The following DNAH6 variants were observed in gnomAD, a reference collection of about 807,000 sequenced individuals.
DNAH6 encodes the protein dynein axonemal heavy chain 6.
DNAH6 carries 340 observed loss-of-function variants against 491.4 expected under a neutral mutation model. That is an observed-to-expected ratio of 0.69 (90% CI 0.63 to 0.76). The LOEUF is 0.76. DNAH6 is among the 30% of genes least tolerant of loss of function. DNAH6 has a pLI of 0.00. For synonymous variants in DNAH6, 1,603 were observed against 1,686.1 expected (o/e 0.95, Z 1.21); for missense variants, 4,443 against 4,972.2 (o/e 0.89, Z 3.20).
rs148167077 is a variant in DNAH6, at chr2:84,739,592, G to T, written c.10343-5488G>T. 9.9e-3 allele frequency among the ~76,000 whole-genome samples: 1,503 copies of T among 152,122 alleles called. 24 individuals are homozygous for T. Among genetic ancestry groups the T allele is most frequent in the African/African-American group, 0.034 (1,408 of 41,510 alleles). ...TCTGACTGGGTCATTTTGACAGATT[G>T]GTCTTCAAGTTCTGAAAGTCTTTCT... On this transcript the variant is annotated intron_variant, in intron 62 of 76. Coordinates refer to ENST00000389394, the MANE Select transcript of DNAH6 (RefSeq NM_001370.2).
the DNAH6 span, among the ~76,000 whole-genome samples, chr2:84,504,094 T>A: frequency 3.3e-5 from 5 of 152,202 alleles, no homozygotes; most frequent in Non-Finnish European, 5.9e-5. Context: ...TTTTTTGTTA[T>A]TTTTTTCTTT....
At chr2:84,558,946 A>C (rs184184367) in intron 11 of DNAH6, among the ~76,000 whole-genome samples, 1 of 152,316 alleles carries the variant, frequency 6.6e-6, no homozygotes, top group East Asian at 1.9e-4. Context: ...TTTCAAACCT[A>C]AAATTTACCC....
At chr2:84,680,212 T>A (rs1264786152) in intron 41 of DNAH6, among the ~76,000 whole-genome samples, 1 of 152,210 alleles carries the variant, frequency 6.6e-6, no homozygotes, top group East Asian at 1.9e-4. Context: ...ATCTCATATA[T>A]GACACCAAAT....
rs113966001 is a variant in DNAH6 at position 84,613,758 on chromosome 2, A to G, written c.3475+1904A>G. 4.8e-3 allele frequency among the ~76,000 whole-genome samples: 728 copies of G among 152,196 alleles called. 3 individuals carry two copies. Among genetic ancestry groups the G allele is most frequent in the African/African-American group, 0.016 (683 of 41,558 alleles). The stretch of plus-strand genomic sequence containing the variant: ...ACTCCTAGCCCCTCAAAAGTGGGAT[A>G]CACCAGCTAAATATGTTTCATATCA... On this transcript the variant is annotated intron_variant, in intron 22 of 76. Transcript: ENST00000389394.
At chr2:84,737,092 G>T (rs1380181115) in intron 62 of DNAH6, among the ~76,000 whole-genome samples, 1 of 152,034 alleles carries the variant, frequency 6.6e-6, no homozygotes, top group Non-Finnish European at 1.5e-5. Context: ...TGATCATATG[G>T]TTTTTGATTT....
the DNAH6 span, among the ~76,000 whole-genome samples, chr2:84,488,152 A>G: frequency 1.3e-5 from 2 of 152,218 alleles, 1 homozygote; most frequent in South Asian, 4.1e-4. Context: ...ACTGGTCTAG[A>G]TGCCCAACGA....
Position 84,784,822 on chromosome 2 carries a change from A to G in DNAH6, c.10953+12A>G, listed in dbSNP as rs1677024495. 6.7e-7 allele frequency: 1 copy of G among 1,503,066 alleles called. No individual in the cohort carries two copies. Among genetic ancestry groups the G allele is most frequent in the Admixed American group, 2.0e-5 (1 of 50,854 alleles). 93.1% of individuals were successfully genotyped at this position (1,503,066 alleles called of 1,614,324 possible). On this transcript the variant is annotated intron_variant, in intron 66 of 76. Coordinates refer to ENST00000389394, the MANE Select transcript of DNAH6 (RefSeq NM_001370.2). ...AAAATTCTGTCAAGGTAATGTATGCATATGGTTGGAACAATGTGAAATGGT... is the reference window on the plus strand; with the variant it reads ...AAAATTCTGTCAAGGTAATGTATGCGTATGGTTGGAACAATGTGAAATGGT...
chr2:84,642,225 G>A (rs961555283), intron 33 of DNAH6, among the ~76,000 whole-genome samples, 171 bp downstream of exon 33: 10 of 152,144 alleles, frequency 6.6e-5, no homozygotes, highest in African/African-American at 1.7e-4. Context: ...ACTAAAGTTT[G>A]GGCATAATTA....
chr2:84,746,589 A>G (rs1190666034), intron 63 of DNAH6, among the ~76,000 whole-genome samples: 2 of 152,222 alleles, frequency 1.3e-5, no homozygotes, highest in African/African-American at 4.8e-5. Flanking sequence ...TTAGAGAAAA[A>G]TGGAGATTGT....
chr2:84,761,359 ATTAC>A (rs903878997), intron 63 of DNAH6, among the ~76,000 whole-genome samples: 6 of 151,972 alleles, frequency 3.9e-5, no homozygotes, highest in African/African-American at 1.5e-4. Flanking sequence ...TAAAAAAAAA[ATTAC>A]TTAATGAGCA....
intron 45 of DNAH6, among the ~76,000 whole-genome samples, chr2:84,690,525 C>T (rs1214105208): frequency 6.6e-6 from 1 of 152,122 alleles, no homozygotes; most frequent in Non-Finnish European, 1.5e-5. Context: ...TAGACCAGAC[C>T]GTAAGCAAAG....
chr2:84,786,745 G>A (rs1336508444), intron 67 of DNAH6, among the ~76,000 whole-genome samples: 1 of 152,098 alleles, frequency 6.6e-6, no homozygotes, highest in Non-Finnish European at 1.5e-5. Flanking sequence ...TCTGTGTGTG[G>A]CATAACTGAA....
chr2:84,509,954 T>C, the DNAH6 span, among the ~76,000 whole-genome samples: 13 of 152,252 alleles, frequency 8.5e-5, no homozygotes, highest in African/African-American at 3.1e-4. Flanking sequence ...GCTGTTAGTC[T>C]GATGGGCTTC....
chr2:84,617,723 T>C (rs952829135), intron 23 of DNAH6, among the ~76,000 whole-genome samples: 1 of 152,056 alleles, frequency 6.6e-6, no homozygotes, highest in African/African-American at 2.4e-5. Context: ...TGCACAAACA[T>C]GTGTGTAAAA....
intron 33 of DNAH6, among the ~76,000 whole-genome samples, chr2:84,651,953 C>A (rs78465315): frequency 1.4e-5 from 2 of 144,690 alleles, no homozygotes; most frequent in Admixed American, 7.0e-5. Context: ...ATGCATGAGT[C>A]TTTTTTTTTT....
intron 4 of DNAH6, among the ~76,000 whole-genome samples, chr2:84,543,872 C>A (rs1243408594): frequency 6.6e-6 from 1 of 152,050 alleles, no homozygotes; most frequent in Non-Finnish European, 1.5e-5. Context: ...GTGCCAAATT[C>A]TTTTATGCTA....
chr2:84,802,293 G>C (rs1192389), intron 70 of DNAH6, among the ~76,000 whole-genome samples: 38,645 of 151,994 alleles, frequency 0.25, 5,616 homozygotes, highest in African/African-American at 0.42. Flanking sequence ...AAGACCCATC[G>C]TTCTGCTGTC....
At chr2:84,516,987 ATAT>A (rs1165071460) in intron 1 of DNAH6, among the ~76,000 whole-genome samples, 7 of 152,294 alleles carry the variant, frequency 4.6e-5, no homozygotes, top group East Asian at 1.9e-4. Context: ...TAAATAAAAC[ATAT>A]TATTAAAATT....
At chr2:84,575,625 C>T (rs1335060178) in intron 12 of DNAH6, among the ~76,000 whole-genome samples, 1 of 152,204 alleles carries the variant, frequency 6.6e-6, no homozygotes, top group African/African-American at 2.4e-5. Context: ...TGGCTCACGC[C>T]TGTAATCCCA....
Sources: allele counts gnomAD v4.1 joint callset (sites outside exome capture counted in the v4.1 genomes callset), GRCh38; gene constraint gnomAD v4.1.1; transcripts MANE v1.5; gene names NCBI Gene and HGNC (gene_info 2026-07-23, HGNC 2026-07-21).